Variants in RPH3A observed in about 807,000 individuals in gnomAD.
RPH3A encodes rabphilin-3A.
Under a neutral mutation model 102.2 loss-of-function variants are expected in RPH3A, and 48 were observed. The ratio of observed to expected loss-of-function variants is 0.47; its 90% CI spans 0.37 to 0.60. The LOEUF is 0.60. Ranked by LOEUF, RPH3A falls within the 20% of genes least tolerant of loss-of-function variation. The pLI is 0.00. For synonymous variants in RPH3A, 310 were observed against 324.3 expected (o/e 0.96, Z 0.47); for missense variants, 781 against 910.1 (o/e 0.86, Z 1.83).
At chr12:112,714,894 AT>A (rs1336687338) in intron 1 of RPH3A, among the ~76,000 whole-genome samples, 1 of 152,120 alleles carries the variant, frequency 6.6e-6, no homozygotes, top group Non-Finnish European at 1.5e-5. Flanking sequence ...TTTTGCTTCT[AT>A]ACTTTGCTCA....
At chr12:112,671,719 C>T (rs1328878228) in intron 1 of RPH3A, among the ~76,000 whole-genome samples, 1 of 152,090 alleles carries the variant, frequency 6.6e-6, no homozygotes, top group Non-Finnish European at 1.5e-5. Context: ...ACCAGACCTG[C>T]AGCATGGGAA....
At chr12:112,631,543 CTCTG>C (rs1362597350) in intron 1 of RPH3A, among the ~76,000 whole-genome samples, 3 of 152,024 alleles carry the variant, frequency 2.0e-5, no homozygotes, top group East Asian at 1.9e-4. Context: ...GAGACAGGGT[CTCTG>C]TCTGTCACTG....
rs956484583 is a variant in RPH3A, at chr12:112,611,182, T to G, written c.-140+35863T>G. Among the ~76,000 whole-genome samples the G allele has an allele frequency of 2.6e-5, 4 of 152,224 alleles. No individual in the cohort carries two copies. In the East Asian group the frequency reaches 5.8e-4, roughly 22 times the overall value. ...AGTTATAGGTAGATGTCAAGCATTC[T>G]TTCTTTCTTACCTTTTAGCTTGTTA... On this transcript the variant is annotated intron_variant, in intron 1 of 21. Transcript: ENST00000543106.
intron 1 of RPH3A, among the ~76,000 whole-genome samples, chr12:112,582,385 A>G (rs2039406306): frequency 6.8e-6 from 1 of 147,228 alleles, no homozygotes; most frequent in African/African-American, 2.5e-5. Context: ...TGATAGGATT[A>G]TAGGCATGAG....
intron 2 of RPH3A, among the ~76,000 whole-genome samples, chr12:112,811,531 C>T (rs893861594): frequency 6.8e-6 from 1 of 148,140 alleles, no homozygotes; most frequent in Non-Finnish European, 1.5e-5. Flanking sequence ...AAATAGAACC[C>T]CCCCCCCAAA....
chr12:112,842,733 A>C (rs371982589), intron 4 of RPH3A, among the ~76,000 whole-genome samples: 9 of 152,350 alleles, frequency 5.9e-5, no homozygotes, highest in East Asian at 1.9e-4. Context: ...GGTGCAATTC[A>C]TCCCTCACTA....
intron 1 of RPH3A, among the ~76,000 whole-genome samples, chr12:112,657,572 T>C (rs1436730641): frequency 6.6e-6 from 1 of 152,218 alleles, no homozygotes; most frequent in Admixed American, 6.5e-5. Flanking sequence ...TATGATCTTA[T>C]GATGGTTATG....
intron 13 of RPH3A, among the ~76,000 whole-genome samples, chr12:112,877,431 C>CACACACACACACACACGTAT (rs2042826043): frequency 6.6e-6 from 1 of 151,196 alleles, no homozygotes; most frequent in African/African-American, 2.4e-5. Context: ...CACACACACA[C>CACACACACACACACACGTAT]ACACACACAC....
intron 1 of RPH3A, among the ~76,000 whole-genome samples, chr12:112,643,986 C>T (rs1348308160): frequency 2.6e-5 from 4 of 152,192 alleles, no homozygotes; most frequent in African/African-American, 9.7e-5. Flanking sequence ...GAAAGCATGT[C>T]TTCTGCAGCA....
Position 112,868,411 on chromosome 12 carries a change from C to T in RPH3A, c.445-19C>T, listed in dbSNP as rs1306980530. On this transcript the variant is annotated intron_variant, in intron 7 of 21. Coordinates refer to ENST00000389385, the MANE Select transcript of RPH3A (RefSeq NM_001143854.2). ...GCGCTTGGCTGCCACATCTTCAATC[C>T]CTGTCTCTCCTCCCCAAGGTGTGGA... The T allele has an allele frequency of 3.1e-6, 5 of 1,607,380 alleles. No individual in the cohort carries two copies. The highest frequency in any genetic ancestry group is 4.3e-6 in the Non-Finnish European group (5 of 1,175,170).
intron 1 of RPH3A, among the ~76,000 whole-genome samples, chr12:112,639,792 G>A (rs935310872): frequency 4.6e-5 from 7 of 152,114 alleles, no homozygotes; most frequent in African/African-American, 7.2e-5. Flanking sequence ...TTTATCACAG[G>A]GGTAGGTGAG....
chr12:112,664,951 G>C (rs569731294), intron 1 of RPH3A, among the ~76,000 whole-genome samples: 2 of 151,456 alleles, frequency 1.3e-5, no homozygotes, highest in East Asian at 1.9e-4. Context: ...TGGCGGGGGT[G>C]GGGGGGATAA....
At chr12:112,656,281 C>T (rs1175421278) in intron 1 of RPH3A, among the ~76,000 whole-genome samples, 2 of 152,192 alleles carry the variant, frequency 1.3e-5, no homozygotes, top group East Asian at 3.8e-4. Context: ...ATTTTTGCAA[C>T]CTCCTCAACC....
intron 1 of RPH3A, among the ~76,000 whole-genome samples, chr12:112,751,856 T>A (rs1329462752): frequency 6.6e-6 from 1 of 152,240 alleles, no homozygotes; most frequent in Non-Finnish European, 1.5e-5. Flanking sequence ...TTTAACCAAT[T>A]ATAGTATGGC....
intron 1 of RPH3A, among the ~76,000 whole-genome samples, chr12:112,682,318 C>T (rs1286056759): frequency 6.6e-6 from 1 of 150,986 alleles, no homozygotes; most frequent in Non-Finnish European, 1.5e-5. Flanking sequence ...AATGTCCCAG[C>T]TCCAGAAGAG....
chr12:112,591,321 A>G (rs1469198158), intron 1 of RPH3A, among the ~76,000 whole-genome samples: 1 of 152,158 alleles, frequency 6.6e-6, no homozygotes, highest in Admixed American at 6.5e-5. Context: ...CCTGGCCTCA[A>G]GCGATCCTCC....
intron 1 of RPH3A, among the ~76,000 whole-genome samples, chr12:112,682,973 T>C (rs2040237656): frequency 6.6e-6 from 1 of 152,224 alleles, no homozygotes; most frequent in African/African-American, 2.4e-5. Context: ...TTAGACCCCA[T>C]AGAAACTTGC....
At chr12:112,776,622 C>T in intron 1 of RPH3A, among the ~76,000 whole-genome samples, 1 of 152,008 alleles carries the variant, frequency 6.6e-6, no homozygotes, top group East Asian at 1.9e-4. Context: ...CGCCTGTAAT[C>T]CCAGCACTTT....
At chr12:112,796,460 C>G (rs1258498379) in intron 2 of RPH3A, among the ~76,000 whole-genome samples, 1 of 152,194 alleles carries the variant, frequency 6.6e-6, no homozygotes, top group Non-Finnish European at 1.5e-5. Flanking sequence ...TCAGCAATGA[C>G]TTACTGAGTG....
Sources: gnomAD v4.1 joint callset for allele counts (sites outside exome capture counted in the v4.1 genomes callset) on GRCh38, gnomAD v4.1.1 for gene constraint, MANE v1.5 for transcripts, NCBI Gene and HGNC (gene_info 2026-07-23, HGNC 2026-07-21) for gene names.